Variants in CCDC169 observed in about 807,000 individuals in gnomAD.
The protein encoded by CCDC169 is coiled-coil domain containing 169, also known as coiled-coil domain-containing protein 169.
Under a neutral mutation model 36.0 loss-of-function variants are expected in CCDC169, and 30 were observed. The ratio of observed to expected loss-of-function variants is 0.83; its 90% CI spans 0.62 to 1.13. The LOEUF (loss-of-function observed/expected upper bound fraction) is 1.13. Among genes scored for constraint, CCDC169 ranks in the 50% most tolerant of loss-of-function variants. The pLI, the probability that CCDC169 is intolerant of heterozygous loss-of-function variation, is 0.00. For synonymous variants in CCDC169, 85 were observed against 81.5 expected (o/e 1.04, Z -0.23); for missense variants, 245 against 245.9 (o/e 1.00, Z 0.03).
chr13:36,282,439 C>G lies in CCDC169; in HGVS notation c.315+1030G>C, dbSNP rs1047847955. 1.7e-5 allele frequency: 17 copies of G among 985,222 alleles called. No homozygotes were observed. The African/African-American group carries it at 2.6e-4, about 15-fold the overall frequency. 61.0% of individuals were successfully genotyped at this position (985,222 alleles called of 1,614,324 possible). A position where few individuals can be genotyped will look rare whatever the true frequency, so the allele number is the denominator to read the frequency against. On this transcript the variant is annotated intron_variant, in intron 4 of 7. Coordinates refer to ENST00000239859, the MANE Select transcript of CCDC169 (RefSeq NM_001144981.3). ...TTGCTTAGTAATTGGACACTTCTAT[C>G]GCTGACTCCTTGATTAGATTTCTAA...
chr13:36,289,287 C>T (rs9547080), intron 2 of CCDC169, among the ~76,000 whole-genome samples: 38,359 of 151,944 alleles, frequency 0.25, 5,087 homozygotes, highest in East Asian at 0.48. Flanking sequence ...CCTTCAGCTT[C>T]TAAATTAGCT....
intron 2 of CCDC169, among the ~76,000 whole-genome samples, chr13:36,293,741 G>C (rs1394322642): frequency 6.6e-6 from 1 of 152,166 alleles, no homozygotes; most frequent in Non-Finnish European, 1.5e-5. Context: ...AGTCATCACG[G>C]AATGACCAGC....
At chr13:36,295,743 A>C (rs1279202805) in intron 2 of CCDC169, 35 bp downstream of exon 2, 1 of 1,059,106 alleles carries the variant, frequency 9.4e-7, no homozygotes, top group Non-Finnish European at 1.4e-6. Flanking sequence ...CAATAATTAT[A>C]CAGGAGTCAC....
chr13:36,271,780 G>T (rs1472306238), intron 4 of CCDC169, among the ~76,000 whole-genome samples: 1 of 151,666 alleles, frequency 6.6e-6, no homozygotes, highest in Non-Finnish European at 1.5e-5. Flanking sequence ...GGGAAGGAAG[G>T]GATAAAAAAA....
intron 6 of CCDC169, among the ~76,000 whole-genome samples, chr13:36,250,596 A>C (rs1873032941): frequency 2.0e-5 from 3 of 152,312 alleles, no homozygotes; most frequent in African/African-American, 7.2e-5. Flanking sequence ...CAATAACAGA[A>C]TTGTCCAAAA....
intron 2 of CCDC169, among the ~76,000 whole-genome samples, chr13:36,285,685 C>T (rs968900841): frequency 1.3e-4 from 19 of 151,234 alleles, no homozygotes; most frequent in African/African-American, 4.6e-4. Flanking sequence ...ACAGTCGTAA[C>T]CAAATGGAAT....
intron 4 of CCDC169, among the ~76,000 whole-genome samples, chr13:36,254,466 G>A (rs569740883): frequency 6.6e-6 from 1 of 151,614 alleles, no homozygotes; most frequent in Non-Finnish European, 1.5e-5. Context: ...TAGTAGAGAC[G>A]TGGTTTCACT....
At chr13:36,257,856 G>A (rs573179608) in intron 4 of CCDC169, among the ~76,000 whole-genome samples, 2 of 151,866 alleles carry the variant, frequency 1.3e-5, no homozygotes, top group Non-Finnish European at 2.9e-5. Context: ...TGTCTACTCT[G>A]ACTTAGGACA....
intron 2 of CCDC169, among the ~76,000 whole-genome samples, chr13:36,291,559 T>C (rs1307160725): frequency 6.6e-6 from 1 of 152,186 alleles, no homozygotes; most frequent in Admixed American, 6.5e-5. Flanking sequence ...TGTATCCAAC[T>C]ATTTTCTAAT....
At chr13:36,269,984 T>C (rs975165362) in intron 4 of CCDC169, among the ~76,000 whole-genome samples, 1 of 152,164 alleles carries the variant, frequency 6.6e-6, no homozygotes, top group African/African-American at 2.4e-5. Flanking sequence ...ATCCGAACTA[T>C]TGCTGTTTTC....
chr13:36,254,951 T>G (rs774025516), intron 4 of CCDC169, among the ~76,000 whole-genome samples: 8 of 152,052 alleles, frequency 5.3e-5, no homozygotes, highest in Non-Finnish European at 1.0e-4. Context: ...CACTTCCAGG[T>G]TCCTTTGGCA....
intron 4 of CCDC169, among the ~76,000 whole-genome samples, chr13:36,282,226 A>G (rs1452327801): frequency 6.6e-6 from 1 of 152,208 alleles, no homozygotes; most frequent in Non-Finnish European, 1.5e-5. Context: ...TATCCCACAA[A>G]AGCAACTAAT....
downstream of CCDC169, chr13:36,226,550 T>C (rs1293728407): frequency 6.6e-6 from 1 of 152,120 alleles, no homozygotes; most frequent in Non-Finnish European, 1.5e-5. Context: ...AGGCCATGGA[T>C]GGGTAACAGT....
chr13:36,240,898 T>C (rs895838438), intron 7 of CCDC169, among the ~76,000 whole-genome samples: 2 of 152,082 alleles, frequency 1.3e-5, no homozygotes, highest in Admixed American at 1.3e-4. Context: ...GTTTCTCCTA[T>C]TTAATCTTAA....
intron 4 of CCDC169, among the ~76,000 whole-genome samples, chr13:36,271,543 T>G (rs912071720): frequency 2.0e-5 from 3 of 152,174 alleles, no homozygotes; most frequent in African/African-American, 7.2e-5. Flanking sequence ...AAAGAAAATG[T>G]GGTTATATAT....
At chr13:36,257,119 G>C (rs1873984884) in intron 4 of CCDC169, among the ~76,000 whole-genome samples, 1 of 124,298 alleles carries the variant, frequency 8.0e-6, no homozygotes, top group Admixed American at 8.1e-5. Flanking sequence ...GGATAGGGGA[G>C]GTACCCGGTG....
intron 6 of CCDC169, among the ~76,000 whole-genome samples, chr13:36,251,140 G>T (rs1200800170): frequency 2.6e-5 from 4 of 152,216 alleles, no homozygotes; most frequent in African/African-American, 9.6e-5. Flanking sequence ...GGGAAACTCA[G>T]TTTCATTCAA....
chr13:36,229,831 C>T (rs1272525980), downstream of CCDC169, among the ~76,000 whole-genome samples: 2 of 151,970 alleles, frequency 1.3e-5, no homozygotes, highest in Non-Finnish European at 2.9e-5. Context: ...GTGTGAGCCA[C>T]CACACCTGGC....
intron 6 of CCDC169, among the ~76,000 whole-genome samples, chr13:36,252,063 TTTG>T (rs1873238201): frequency 6.6e-6 from 1 of 152,164 alleles, no homozygotes; most frequent in Non-Finnish European, 1.5e-5. Context: ...CAAATTCAGA[TTTG>T]CAATGCCATT....
Sources: gnomAD v4.1 joint callset for allele counts (sites outside exome capture counted in the v4.1 genomes callset) on GRCh38, gnomAD v4.1.1 for gene constraint, MANE v1.5 for transcripts, NCBI Gene and HGNC (gene_info 2026-07-23, HGNC 2026-07-21) for gene names.